XKR4: variants seen among roughly 807,000 people sequenced by gnomAD.
XKR4 encodes XK-related protein 4.
XKR4 carries 12 observed loss-of-function variants against 53.9 expected under a neutral mutation model. The ratio of observed to expected loss-of-function variants is 0.22; its 90% CI spans 0.14 to 0.36. XKR4 has a LOEUF of 0.36. Ranked by LOEUF, XKR4 falls within the 10% of genes least tolerant of loss-of-function variation. The pLI is 1.00. For synonymous variants in XKR4, 354 were observed against 362.4 expected (o/e 0.98, Z 0.26); for missense variants, 799 against 859.5 (o/e 0.93, Z 0.88).
At chr8:55,146,625 A>G (rs1816775811) in intron 1 of XKR4, among the ~76,000 whole-genome samples, 1 of 152,174 alleles carries the variant, frequency 6.6e-6, no homozygotes, top group East Asian at 1.9e-4. Context: ...TGGCTACTGT[A>G]TTGGACACAA....
Position 55,164,199 on chromosome 8 carries a change from G to A in XKR4, c.806+60905G>A, listed in dbSNP as rs554127393. The A allele has an allele frequency of 4.2e-4, 192 of 456,592 alleles. 3 individuals carry two copies. Among genetic ancestry groups the A allele is most frequent in the South Asian group, 2.8e-3 (179 of 64,572 alleles). 28.3% of individuals were successfully genotyped at this position (456,592 alleles called of 1,614,324 possible). On this transcript the variant is annotated intron_variant, in intron 1 of 2. Coordinates refer to ENST00000327381, the MANE Select transcript of XKR4 (RefSeq NM_052898.2). ...CAGCACACAGGTTGCCTCGTCCGCC[G>A]CCTCCCCACAGCACCTTTCCTGAAT...
At chr8:55,385,941 T>C (rs897755379) in intron 2 of XKR4, among the ~76,000 whole-genome samples, 7 of 152,336 alleles carry the variant, frequency 4.6e-5, no homozygotes, top group Non-Finnish European at 1.0e-4. Flanking sequence ...TTATTTTTTT[T>C]CTGTTAATTG....
In XKR4 at chr8:55,532,171, T is replaced by C. The variant is rs188724856; in HGVS notation, c.*7944T>C. ...AAGAAAGTATATTAACTTTTATGAG[T>C]ACAGAATAATTCAAGTTCCTTAGCG... On this transcript the variant is annotated 3_prime_UTR_variant, in exon 3 of 3. Coordinates refer to ENST00000327381, the MANE Select transcript of XKR4 (RefSeq NM_052898.2). 2.0e-5 allele frequency: 3 copies of C among 152,250 alleles called. No homozygotes were observed. The highest frequency in any genetic ancestry group is 7.2e-5 in the African/African-American group (3 of 41,536). The allele number at this position is 152,250 out of a possible 1,614,324, so 9.4% of individuals were successfully genotyped here. A position where few individuals can be genotyped will look rare whatever the true frequency, so the allele number is the denominator to read the frequency against.
intron 1 of XKR4, among the ~76,000 whole-genome samples, chr8:55,333,091 G>A (rs1803404430): frequency 6.6e-6 from 1 of 151,646 alleles, no homozygotes; most frequent in East Asian, 1.9e-4. Context: ...TTTCTTTCTT[G>A]ATATTCTAAT....
chr8:55,342,299 C>T (rs1042348079), intron 1 of XKR4, among the ~76,000 whole-genome samples: 4 of 152,092 alleles, frequency 2.6e-5, no homozygotes, highest in Non-Finnish European at 5.9e-5. Flanking sequence ...TACCCAGTTC[C>T]TCACTGCTAT....
chr8:55,208,758 C>G (rs1408319165), intron 1 of XKR4, among the ~76,000 whole-genome samples: 1 of 152,182 alleles, frequency 6.6e-6, no homozygotes, highest in Non-Finnish European at 1.5e-5. Flanking sequence ...AGCCACCACA[C>G]CCAGCCTAGT....
At chr8:55,521,155 C>T (rs930011172) in intron 2 of XKR4, among the ~76,000 whole-genome samples, 14 of 152,200 alleles carry the variant, frequency 9.2e-5, no homozygotes, top group Admixed American at 3.3e-4. Flanking sequence ...CAGCTGGGCG[C>T]CGCGTTTAAA....
intron 1 of XKR4, among the ~76,000 whole-genome samples, chr8:55,127,013 A>AT (rs1324917742): frequency 2.0e-5 from 3 of 152,228 alleles, no homozygotes; most frequent in Non-Finnish European, 4.4e-5. Context: ...CCAGTTGGAT[A>AT]AACAGATCAG....
At chr8:55,358,959 T>C (rs1031358126) in intron 2 of XKR4, among the ~76,000 whole-genome samples, 2 of 152,162 alleles carry the variant, frequency 1.3e-5, no homozygotes, top group Admixed American at 1.3e-4. Flanking sequence ...ATGTTACCTG[T>C]ATAGGAAAAG....
intron 2 of XKR4, among the ~76,000 whole-genome samples, chr8:55,467,120 G>A (rs1232530948): frequency 1.3e-5 from 2 of 152,178 alleles, no homozygotes; most frequent in Admixed American, 6.5e-5. Context: ...CCTGTGGCTG[G>A]CAGAATGCAG....
chr8:55,158,371 T>G (rs1816937671), intron 1 of XKR4, among the ~76,000 whole-genome samples: 1 of 152,240 alleles, frequency 6.6e-6, no homozygotes, highest in African/African-American at 2.4e-5. Context: ...TTTGATTAGT[T>G]TAAGTTCCTT....
intron 2 of XKR4, among the ~76,000 whole-genome samples, chr8:55,478,074 G>T (rs574707215): frequency 6.6e-6 from 1 of 151,956 alleles, no homozygotes; most frequent in Non-Finnish European, 1.5e-5. Context: ...GATACTCCTC[G>T]AGAAGAGCAA....
rs374590128 is a variant in XKR4, at chr8:55,361,857, A to G, written c.1006+3980A>G. On this transcript the variant is annotated intron_variant, in intron 2 of 2. Coordinates refer to ENST00000327381, the MANE Select transcript of XKR4 (RefSeq NM_052898.2). Reference sequence around the variant, plus strand: ...CTCTCCAGAATATTCTCGTCCCCTCACTCTTAGCCTGTCTAGTTCTTACTC... The same window carrying G: ...CTCTCCAGAATATTCTCGTCCCCTCGCTCTTAGCCTGTCTAGTTCTTACTC... 1.2e-4 allele frequency among the ~76,000 whole-genome samples: 18 copies of G among 151,068 alleles called. No homozygotes were observed. In the East Asian group the frequency reaches 2.9e-3, roughly 25 times the overall value.
At chr8:55,422,941 C>T (rs1481524432) in intron 2 of XKR4, among the ~76,000 whole-genome samples, 3 of 152,112 alleles carry the variant, frequency 2.0e-5, no homozygotes, top group Non-Finnish European at 2.9e-5. Flanking sequence ...ATATGAATGT[C>T]TTTGAGCTCT....
intron 1 of XKR4, among the ~76,000 whole-genome samples, chr8:55,178,346 C>T (rs943753009): frequency 1.3e-5 from 2 of 152,102 alleles, no homozygotes; most frequent in South Asian, 4.1e-4. Flanking sequence ...GGGCTGACAG[C>T]TTAAACTGTG....
chr8:55,204,746 T>C (rs553652666), intron 1 of XKR4, among the ~76,000 whole-genome samples: 82 of 152,360 alleles, frequency 5.4e-4, no homozygotes, highest in Non-Finnish European at 9.8e-4. Context: ...TTCAAACATA[T>C]AACTTCTCAT....
At position 55,524,608 on chromosome 8, in the gene XKR4, A is replaced by G; in HGVS notation, c.*381A>G. The G allele has an allele frequency of 1.0e-5, 2 of 200,194 alleles. No individual in the cohort carries two copies. Among genetic ancestry groups the G allele is most frequent in the South Asian group, 2.5e-4 (2 of 8,132 alleles). 12.4% of individuals were successfully genotyped at this position (200,194 alleles called of 1,614,324 possible). On this transcript the variant is annotated 3_prime_UTR_variant, in exon 3 of 3. Transcript: ENST00000327381. ...TAAAAATAGATTCAGTCATACACACATACACACACTAACACACATAAGTTA... is the reference window on the plus strand; with the variant it reads ...TAAAAATAGATTCAGTCATACACACGTACACACACTAACACACATAAGTTA...
chr8:55,396,783 G>T (rs928325496), intron 2 of XKR4, among the ~76,000 whole-genome samples: 2 of 152,124 alleles, frequency 1.3e-5, no homozygotes, highest in African/African-American at 4.8e-5. Flanking sequence ...AATTAGTGAG[G>T]CTTAACAGTA....
intron 2 of XKR4, chr8:55,451,166 G>T: frequency 1.8e-6 from 1 of 544,234 alleles, no homozygotes. Flanking sequence ...CGGGGGCCGG[G>T]GGACACCCGT....
Sources: gnomAD v4.1 joint callset for allele counts (sites outside exome capture counted in the v4.1 genomes callset) on GRCh38, gnomAD v4.1.1 for gene constraint, MANE v1.5 for transcripts, NCBI Gene and HGNC (gene_info 2026-07-23, HGNC 2026-07-21) for gene names.